HERC4: variants seen among roughly 807,000 people sequenced by gnomAD.
HERC4 encodes HECT and RLD domain containing E3 ubiquitin protein ligase 4.
In HERC4, 28 loss-of-function variants were observed where a neutral mutation model predicts 124.3. The ratio of observed to expected loss-of-function variants is 0.23; its 90% CI spans 0.17 to 0.31. HERC4 has a LOEUF of 0.31. HERC4 is among the 10% of genes least tolerant of loss of function. The pLI, the probability that HERC4 is intolerant of heterozygous loss-of-function variation, is 1.00. For missense variants in HERC4, 713 were observed against 1,229.3 expected (o/e 0.58, Z 6.28); for synonymous variants, 407 against 421.5 (o/e 0.97, Z 0.42).
chr10:68,040,736 A>T (rs2039721155), intron 4 of HERC4, among the ~76,000 whole-genome samples: 1 of 151,984 alleles, frequency 6.6e-6, no homozygotes. Flanking sequence ...TAAAAATACA[A>T]AAATTAGCTA....
intron 7 of HERC4, among the ~76,000 whole-genome samples, chr10:68,026,170 A>G (rs1444073694): frequency 6.6e-6 from 1 of 152,176 alleles, no homozygotes; most frequent in African/African-American, 2.4e-5. Context: ...ATCATGGCTC[A>G]CTGCAGCCTC....
chr10:67,970,474 C>T (rs757178838), intron 15 of HERC4, among the ~76,000 whole-genome samples: 3 of 152,140 alleles, frequency 2.0e-5, no homozygotes, highest in Admixed American at 1.3e-4. Context: ...TGCCTGTAAT[C>T]CCAGCAACTT....
rs748241178 is a variant in HERC4, at chr10:68,073,137, C to T, written c.-29G>A. ...TGTAATTATTTTGGTCTTCCAGTTT[C>T]AATAAAAAATTCTCTTCTGAAACCC... On this transcript the variant is annotated 5_prime_UTR_variant, in exon 3 of 25. Coordinates refer to ENST00000373700, the MANE Select transcript of HERC4 (RefSeq NM_015601.4). The T allele has an allele frequency of 7.0e-6, 11 of 1,582,666 alleles. No individual in the cohort carries two copies. In the South Asian group the frequency reaches 1.1e-4, roughly 16 times the overall value.
At chr10:68,003,180 G>A (rs2037334066) in intron 9 of HERC4, among the ~76,000 whole-genome samples, 1 of 149,040 alleles carries the variant, frequency 6.7e-6, no homozygotes, top group South Asian at 2.1e-4. Flanking sequence ...TTTTTGAGAC[G>A]GAGTCTTGCT....
At chr10:68,068,656 T>A (rs1415458875) in intron 3 of HERC4, 1 of 151,628 alleles carries the variant, frequency 6.6e-6, no homozygotes, top group Non-Finnish European at 1.5e-5. Flanking sequence ...TAAGACCCCA[T>A]CTCAAAAAAA....
chr10:68,068,339 T>C (rs2041397937), intron 3 of HERC4: 1 of 151,826 alleles, frequency 6.6e-6, no homozygotes, highest in Non-Finnish European at 1.5e-5. Flanking sequence ...ACAAAAAAAT[T>C]AGCCAGGTGT....
At chr10:67,938,331 C>T (rs946892929) in intron 21 of HERC4, among the ~76,000 whole-genome samples, 2 of 151,398 alleles carry the variant, frequency 1.3e-5, no homozygotes, top group African/African-American at 4.9e-5. Context: ...GTCCCAGCTA[C>T]TCGGGAGGCT....
intron 8 of HERC4, among the ~76,000 whole-genome samples, chr10:68,014,553 T>G (rs187384715): frequency 2.0e-5 from 3 of 152,290 alleles, no homozygotes; most frequent in Admixed American, 6.5e-5. Flanking sequence ...AGAGCTGTGG[T>G]CTATGAAAGT....
At chr10:68,068,146 T>G (rs2041387216) in intron 3 of HERC4, 1 of 152,054 alleles carries the variant, frequency 6.6e-6, no homozygotes. Context: ...GACTGGAGTT[T>G]GAGACCAGAC....
At chr10:67,939,448 A>G (rs1263813910) in intron 21 of HERC4, 140 bp downstream of exon 21, 2 of 578,802 alleles carry the variant, frequency 3.5e-6, no homozygotes, top group Non-Finnish European at 6.0e-6. Flanking sequence ...ACTAGCTAGC[A>G]TGTAGTAAAT....
intron 19 of HERC4, 29 bp from the exon 20 acceptor site, chr10:67,941,134 G>C (rs780448968): frequency 7.1e-7 from 1 of 1,407,378 alleles, no homozygotes. Context: ...GTAAACACAT[G>C]TCCTCCAAGT....
In HERC4 at chr10:67,922,833, A is replaced by G; in HGVS notation, c.*98T>C. On this transcript the variant is annotated 3_prime_UTR_variant, in exon 25 of 25. Transcript: ENST00000373700. ...ATTGAACATTCTGCAAGTAAGAATT[A>G]TAATAGTACCTCTGTCACCTTGCTG... 1 of 848,614 alleles carries G rather than the reference A, an allele frequency of 1.2e-6. No homozygotes were observed. The highest frequency in any genetic ancestry group is 1.9e-6 in the Non-Finnish European group (1 of 534,994). The allele number at this position is 848,614 out of a possible 1,614,324, so 52.6% of individuals were successfully genotyped here.
Position 67,936,162 on chromosome 10 carries a change from T to G in HERC4, c.2645A>C (p.Lys882Thr). The change falls in exon 22 of 25, where the codon AAA becomes ACA. Residue 882 changes from lysine to threonine, a missense_variant. By Grantham distance (78) the Lys-to-Thr change is moderately conservative. Coordinates refer to ENST00000373700, the MANE Select transcript of HERC4 (RefSeq NM_015601.4). ...VLNGADTAVN[K>T]QNRQEFVDAY... is the part of the protein sequence containing the mutation. ...GCTAAAATTCACTTACCGATTTTGT[T>G]TGTTAACAGCTGTGTCTGCACCATT... The G allele has an allele frequency of 6.3e-7, 1 of 1,586,938 alleles. No individual in the cohort carries two copies. Among genetic ancestry groups the G allele is most frequent in the South Asian group, 1.2e-5 (1 of 84,888 alleles).
intron 19 of HERC4, among the ~76,000 whole-genome samples, chr10:67,952,006 A>T (rs910510215): frequency 6.6e-6 from 1 of 152,160 alleles, no homozygotes; most frequent in African/African-American, 2.4e-5. Context: ...CTCAATGCCC[A>T]TACCCATGGT....
intron 7 of HERC4, among the ~76,000 whole-genome samples, chr10:68,031,695 C>T (rs963737950): frequency 6.6e-6 from 1 of 152,094 alleles, no homozygotes; most frequent in African/African-American, 2.4e-5. Context: ...TAATTATTGT[C>T]CTGCTAAAAT....
rs549384798 is a variant in HERC4 at position 67,955,044 on chromosome 10, C to T, written c.2112G>A (p.Val704=). ...CTCCTACAATATTTTCTCTACGCAC[C>T]ACTAGAATTAAGCAGGGATTCACAG... is the stretch of plus-strand genomic sequence containing the variant. The part of the protein sequence containing the change: ...IESVNPCLIL[V]VRRENIVGDA... Residue 704 remains valine (V), a synonymous_variant, in exon 18 of 25, where the codon GTG becomes GTA. Transcript: ENST00000373700. The T allele has an allele frequency of 6.9e-6, 11 of 1,599,684 alleles. No homozygotes were observed. In the African/African-American group the frequency reaches 9.5e-5, roughly 14 times the overall value.
intron 9 of HERC4, among the ~76,000 whole-genome samples, chr10:67,996,912 C>T (rs1042874829): frequency 3.3e-5 from 5 of 151,786 alleles, no homozygotes; most frequent in African/African-American, 2.4e-5. Flanking sequence ...GGCAAGAACC[C>T]GGGAGGCAGA....
intron 15 of HERC4, among the ~76,000 whole-genome samples, chr10:67,978,598 T>C (rs561195390): frequency 4.6e-5 from 7 of 152,314 alleles, no homozygotes; most frequent in Admixed American, 6.5e-5. Context: ...CTGGTGATTG[T>C]AGAGCGCCAG....
intron 16 of HERC4, among the ~76,000 whole-genome samples, chr10:67,964,497 C>T (rs1175897747): frequency 6.6e-6 from 1 of 152,150 alleles, no homozygotes; most frequent in Non-Finnish European, 1.5e-5. Flanking sequence ...AAATAACCAT[C>T]ATCCTAGTCA....
Sources: allele counts gnomAD v4.1 joint callset (sites outside exome capture counted in the v4.1 genomes callset), GRCh38; gene constraint gnomAD v4.1.1; transcripts MANE v1.5; gene names NCBI Gene and HGNC (gene_info 2026-07-23, HGNC 2026-07-21).